Variants in SNX29 observed in about 807,000 individuals in gnomAD.
The protein encoded by SNX29 is sorting nexin 29.
SNX29 carries 78 observed loss-of-function variants against 102.1 expected under a neutral mutation model. That is an observed-to-expected ratio of 0.76 (90% CI 0.64 to 0.92). The LOEUF is 0.92. Ranked by LOEUF, SNX29 falls within the 40% of genes least tolerant of loss-of-function variation. The pLI, the probability that SNX29 is intolerant of heterozygous loss-of-function variation, is 0.00. For synonymous variants in SNX29, 580 were observed against 414.5 expected (o/e 1.40, Z -4.85); for missense variants, 1,280 against 1,061.7 (o/e 1.21, Z -2.86).
intron 14 of SNX29, among the ~76,000 whole-genome samples, chr16:12,245,618 C>G (rs537199641): frequency 3.6e-4 from 54 of 152,010 alleles, no homozygotes; most frequent in Admixed American, 1.5e-3. Context: ...AAACAAAAAC[C>G]CGTCGTTGTG....
chr16:12,021,257 C>G (rs963322708), intron 3 of SNX29, among the ~76,000 whole-genome samples: 1 of 151,856 alleles, frequency 6.6e-6, no homozygotes, highest in African/African-American at 2.4e-5. Flanking sequence ...AACCCCATCT[C>G]TACAAAAAAT....
intron 14 of SNX29, among the ~76,000 whole-genome samples, chr16:12,223,280 C>A (rs1218753999): frequency 6.6e-6 from 1 of 152,172 alleles, no homozygotes; most frequent in African/African-American, 2.4e-5. Flanking sequence ...AATCCCAGAA[C>A]TTTGGGAGGC....
chr16:12,568,076 G>T (rs940957357), intron 20 of SNX29, among the ~76,000 whole-genome samples: 1 of 152,126 alleles, frequency 6.6e-6, no homozygotes, highest in African/African-American at 2.4e-5. Context: ...AATTCCACAG[G>T]AAGTCCGTCT....
rs183250714 is a variant in SNX29 at position 12,412,119 on chromosome 16, C to T, written c.2037+8590C>T. Among the ~76,000 whole-genome samples the T allele has an allele frequency of 3.3e-5, 5 of 152,250 alleles. No homozygotes were observed. The East Asian group carries it at 7.7e-4, about 24-fold the overall frequency. On this transcript the variant is annotated intron_variant, in intron 18 of 20. Transcript: ENST00000566228. ...TCAAGGGCGGTTACATGAGGCTTTG[C>T]GGAGGGGTGGGAGAGCCGGCCATCG...
At chr16:12,100,748 G>A (rs1489541453) in intron 11 of SNX29, among the ~76,000 whole-genome samples, 1 of 141,082 alleles carries the variant, frequency 7.1e-6, no homozygotes, top group African/African-American at 2.5e-5. Flanking sequence ...GGGTGGGTGG[G>A]GTGGCCTCAG....
chr16:12,572,394 C>G lies in SNX29; in HGVS notation c.*3765C>G. The G allele has an allele frequency of 9.4e-7, 1 of 1,063,290 alleles. No individual in the cohort carries two copies. The highest frequency in any genetic ancestry group is 1.1e-6 in the Non-Finnish European group (1 of 877,996). 65.9% of individuals were successfully genotyped at this position (1,063,290 alleles called of 1,614,324 possible). ...CTGGAGGCGGCTTATATCCCAACAG[C>G]CTGAGGCAGGGCTCTGTGGCCCAGG... On this transcript the variant is annotated 3_prime_UTR_variant, in exon 21 of 21. Coordinates refer to ENST00000566228, the MANE Select transcript of SNX29 (RefSeq NM_032167.5).
chr16:12,339,789 C>G (rs1304401565), intron 15 of SNX29, among the ~76,000 whole-genome samples: 5 of 152,182 alleles, frequency 3.3e-5, no homozygotes, highest in Non-Finnish European at 5.9e-5. Context: ...TTGGAATTGA[C>G]TCTTATTGGC....
rs538183227 is a variant in SNX29 at position 12,302,559 on chromosome 16, C to T, written c.1782+24523C>T. ...GCCATGTTCTCACATCGTGGAAGGA[C>T]AGGGGGTCTCTGGGGCCTTTTTTAT... is the stretch of plus-strand genomic sequence containing the variant. On this transcript the variant is annotated intron_variant, in intron 15 of 20. Transcript: ENST00000566228. Among the ~76,000 whole-genome samples, 153 of 143,812 alleles carry T rather than the reference C, an allele frequency of 1.1e-3. 1 individual carries two copies. The highest frequency in any genetic ancestry group is 4.3e-3 in the African/African-American group (145 of 33,452). 94.3% of individuals were successfully genotyped at this position (143,812 alleles called of 152,430 possible).
chr16:12,177,463 C>T (rs2141809069), intron 13 of SNX29, among the ~76,000 whole-genome samples: 1 of 152,272 alleles, frequency 6.6e-6, no homozygotes, highest in South Asian at 2.1e-4. Flanking sequence ...CTCCTGTGGT[C>T]TTTGTCCCCA....
At chr16:12,450,446 GCT>G (rs1339122691) in intron 18 of SNX29, among the ~76,000 whole-genome samples, 1 of 152,186 alleles carries the variant, frequency 6.6e-6, no homozygotes, top group African/African-American at 2.4e-5. Flanking sequence ...AAAGGGTACA[GCT>G]CTCTATCCCA....
chr16:12,315,989 C>G (rs1251433247), intron 15 of SNX29, among the ~76,000 whole-genome samples: 1 of 152,210 alleles, frequency 6.6e-6, no homozygotes, highest in Non-Finnish European at 1.5e-5. Context: ...TCAACAGATA[C>G]ACAACTGCGT....
At chr16:12,387,970 T>A (rs2083393275) in intron 16 of SNX29, among the ~76,000 whole-genome samples, 1 of 152,182 alleles carries the variant, frequency 6.6e-6, no homozygotes, top group Non-Finnish European at 1.5e-5. Context: ...ACAGAGAGCC[T>A]CTTCATCCAC....
intron 20 of SNX29, among the ~76,000 whole-genome samples, chr16:12,563,051 C>A (rs573617344): frequency 1.3e-5 from 2 of 152,102 alleles, no homozygotes; most frequent in Non-Finnish European, 2.9e-5. Flanking sequence ...AAGGTCACCT[C>A]GAAATGTAGG....
At chr16:12,442,103 A>T (rs982638695) in intron 18 of SNX29, among the ~76,000 whole-genome samples, 1 of 152,128 alleles carries the variant, frequency 6.6e-6, no homozygotes, top group African/African-American at 2.4e-5. Flanking sequence ...TATATATGGT[A>T]TGAGGTAAGG....
intron 20 of SNX29, among the ~76,000 whole-genome samples, chr16:12,537,844 G>GT (rs1425046446): frequency 6.6e-6 from 1 of 152,088 alleles, no homozygotes; most frequent in African/African-American, 2.4e-5. Context: ...GTCTGGCTGG[G>GT]CATGGTGGCT....
At chr16:12,525,841 C>G (rs368128447) in intron 20 of SNX29, among the ~76,000 whole-genome samples, 2 of 152,198 alleles carry the variant, frequency 1.3e-5, no homozygotes, top group Admixed American at 6.5e-5. Flanking sequence ...GCCAGGCGTG[C>G]TGACTTCATC....
intron 19 of SNX29, 80 bp downstream of exon 19, chr16:12,477,939 C>T: frequency 2.1e-6 from 3 of 1,439,250 alleles, no homozygotes; most frequent in Non-Finnish European, 2.8e-6. Flanking sequence ...TAGTCCGTTG[C>T]TTAAAAACAC....
intron 1 of SNX29, among the ~76,000 whole-genome samples, chr16:11,980,665 C>T (rs1161196414): frequency 6.6e-6 from 1 of 152,170 alleles, no homozygotes; most frequent in East Asian, 1.9e-4. Flanking sequence ...ACACCTTCCC[C>T]AAGAGTCTTT....
chr16:12,559,441 C>T (rs549712728), intron 20 of SNX29, among the ~76,000 whole-genome samples: 43 of 151,458 alleles, frequency 2.8e-4, no homozygotes, highest in Middle Eastern at 3.4e-3. Context: ...TCAGGGCTCC[C>T]AATGATTCTA....
Sources: gnomAD v4.1 joint callset for allele counts (sites outside exome capture counted in the v4.1 genomes callset) on GRCh38, gnomAD v4.1.1 for gene constraint, MANE v1.5 for transcripts, NCBI Gene and HGNC (gene_info 2026-07-23, HGNC 2026-07-21) for gene names.